ZFHX3: variants seen among roughly 807,000 people sequenced by gnomAD.
ZFHX3 encodes zinc finger homeobox protein 3.
A neutral mutation model predicts 279.1 loss-of-function variants in ZFHX3; 42 were observed. The ratio of observed to expected loss-of-function variants is 0.15; its 90% CI spans 0.12 to 0.19. The LOEUF is 0.19. ZFHX3 is among the 10% of genes least tolerant of loss of function. ZFHX3 has a pLI of 1.00. For missense variants in ZFHX3, 4,981 were observed against 4,754.0 expected, an observed-to-expected ratio of 1.05 and a Z score of -1.40; for synonymous variants, 2,293 against 1,957.8, an observed-to-expected ratio of 1.17 and a Z score of -4.52.
intron 2 of ZFHX3, among the ~76,000 whole-genome samples, chr16:73,527,777 C>T (rs1184483000): frequency 6.6e-6 from 1 of 152,164 alleles, no homozygotes; most frequent in African/African-American, 2.4e-5. Flanking sequence ...CAGTGGGGAC[C>T]CAAGACCTGC....
chr16:73,220,038 G>A (rs947122438), intron 5 of ZFHX3, among the ~76,000 whole-genome samples: 2 of 151,896 alleles, frequency 1.3e-5, no homozygotes, highest in Non-Finnish European at 2.9e-5. Context: ...GTAAGCTGAG[G>A]TTGTGCCATT....
chr16:73,543,490 G>T (rs896802802), intron 2 of ZFHX3, among the ~76,000 whole-genome samples: 10 of 152,068 alleles, frequency 6.6e-5, no homozygotes, highest in Non-Finnish European at 8.8e-5. Context: ...GCCTGGCTCT[G>T]TGTTATTTAG....
chr16:72,930,287 C>T (rs1959714576), intron 3 of ZFHX3, among the ~76,000 whole-genome samples: 1 of 152,036 alleles, frequency 6.6e-6, no homozygotes, highest in Non-Finnish European at 1.5e-5. Flanking sequence ...CAGCTTCTCG[C>T]CCATTTTTGT....
chr16:73,430,144 C>T (rs1389390671), intron 3 of ZFHX3, among the ~76,000 whole-genome samples: 1 of 152,094 alleles, frequency 6.6e-6, no homozygotes, highest in Non-Finnish European at 1.5e-5. Context: ...CCCTCTTTGG[C>T]CTCTCAAAGC....
intron 1 of ZFHX3, among the ~76,000 whole-genome samples, chr16:73,695,182 T>C (rs765720891): frequency 4.7e-4 from 72 of 152,312 alleles, no homozygotes; most frequent in Admixed American, 7.8e-4. Flanking sequence ...AATATATCTA[T>C]ACTATTTTTT....
chr16:73,547,060 A>C (rs1286676165), intron 2 of ZFHX3, among the ~76,000 whole-genome samples: 1 of 152,032 alleles, frequency 6.6e-6, no homozygotes, highest in East Asian at 1.9e-4. Context: ...TCCTTTTCTT[A>C]CATTGAAATG....
chr16:73,507,041 T>C (rs761020802), intron 2 of ZFHX3, among the ~76,000 whole-genome samples: 4 of 152,196 alleles, frequency 2.6e-5, no homozygotes, highest in Non-Finnish European at 5.9e-5. Context: ...CAACCTCCTT[T>C]GTCTCTGGGT....
At chr16:73,185,885 G>T (rs759031536) in intron 5 of ZFHX3, among the ~76,000 whole-genome samples, 1 of 152,108 alleles carries the variant, frequency 6.6e-6, no homozygotes, top group South Asian at 2.1e-4. Context: ...TGGTGCGCAC[G>T]CAAGTGAAGC....
At chr16:73,690,101 G>C (rs2053133983) in intron 1 of ZFHX3, among the ~76,000 whole-genome samples, 1 of 152,108 alleles carries the variant, frequency 6.6e-6, no homozygotes, top group Non-Finnish European at 1.5e-5. Context: ...ACTTTTAGTA[G>C]AGATGGGGTT....
rs372850796 is a variant in ZFHX3, at chr16:72,950,509, G to A, written c.3176C>T (p.Thr1059Met). 3.2e-5 allele frequency: 51 copies of A among 1,614,060 alleles called. No individual in the cohort carries two copies. Among genetic ancestry groups the A allele is most frequent in the Non-Finnish European group, 3.7e-5 (44 of 1,180,034 alleles). Residue 1059 changes from threonine (T) to methionine (M), a missense_variant, in exon 3 of 10, where the codon ACG becomes ATG. Physicochemically the swap from Thr to Met is moderately conservative, Grantham distance 81. Around this residue, in one of 7 missense-constraint regions of ZFHX3, gnomAD observed 1,751 missense variants for 1,770.0 expected, o/e 0.99. Transcript: ENST00000268489. Reference sequence around the variant, plus strand: ...GCTGGCCTCGTGCCTGGAGTTGACCGTGTGCAGCCGCAGCTTCTCCAGGCT... The same window carrying A: ...GCTGGCCTCGTGCCTGGAGTTGACCATGTGCAGCCGCAGCTTCTCCAGGCT... The part of the protein sequence containing the change: ...TNSLEKLRLH[T>M]VNSRHEASLK...
At chr16:73,846,817 T>G (rs1261189431) in intron 1 of ZFHX3, among the ~76,000 whole-genome samples, 1 of 152,164 alleles carries the variant, frequency 6.6e-6, no homozygotes, top group Non-Finnish European at 1.5e-5. Flanking sequence ...AATGTAGCCA[T>G]GAAGAATAAC....
intron 1 of ZFHX3, among the ~76,000 whole-genome samples, chr16:73,839,563 T>G (rs1216032312): frequency 6.6e-6 from 1 of 152,140 alleles, no homozygotes. Context: ...ATGGAATACA[T>G]GTGTACAGCG....
intron 2 of ZFHX3, chr16:73,486,740 T>A (rs2018980022): frequency 2.2e-6 from 1 of 452,798 alleles, no homozygotes; most frequent in South Asian, 1.6e-5. Flanking sequence ...TTGCTCATTT[T>A]TTTTTCTCTT....
chr16:73,563,591 T>C (rs2020408355), intron 2 of ZFHX3, among the ~76,000 whole-genome samples: 1 of 152,206 alleles, frequency 6.6e-6, no homozygotes, highest in Non-Finnish European at 1.5e-5. Context: ...ATTAGGGATG[T>C]GATTGGTTCC....
chr16:73,863,668 G>A (rs773944970), intron 1 of ZFHX3, among the ~76,000 whole-genome samples: 2 of 152,102 alleles, frequency 1.3e-5, no homozygotes, highest in Non-Finnish European at 2.9e-5. Flanking sequence ...ATCATACGAT[G>A]GTCATGTGTG....
chr16:73,511,628 C>T (rs959528025), intron 2 of ZFHX3, among the ~76,000 whole-genome samples: 1 of 152,134 alleles, frequency 6.6e-6, no homozygotes, highest in African/African-American at 2.4e-5. Context: ...TCCAAGGTAG[C>T]TGTGAAAACC....
intron 2 of ZFHX3, among the ~76,000 whole-genome samples, chr16:73,497,251 C>G (rs564486419): frequency 6.3e-4 from 96 of 152,348 alleles, no homozygotes; most frequent in African/African-American, 2.0e-3. Flanking sequence ...AAATCTGCTT[C>G]CAGCTTTAAC....
intron 4 of ZFHX3, among the ~76,000 whole-genome samples, chr16:72,836,789 T>C (rs189368086): frequency 1.3e-5 from 2 of 152,240 alleles, no homozygotes; most frequent in South Asian, 2.1e-4. Flanking sequence ...GTGGGACATA[T>C]TGAGCTAACT....
chr16:73,804,156 A>AAAAAAC (rs754794538), intron 1 of ZFHX3, among the ~76,000 whole-genome samples: 80 of 152,310 alleles, frequency 5.3e-4, no homozygotes, highest in African/African-American at 1.9e-3. Flanking sequence ...ACCCTGTCTC[A>AAAAAAC]AAAAACAAAA....
Sources: allele counts gnomAD v4.1 joint callset (sites outside exome capture counted in the v4.1 genomes callset), GRCh38; gene constraint gnomAD v4.1.1; regional missense constraint gnomAD v4.1.1; transcripts MANE v1.5; gene names NCBI Gene and HGNC (gene_info 2026-07-23, HGNC 2026-07-21).